The following MUC5AC variants were observed in gnomAD, a reference collection of about 807,000 sequenced individuals.
MUC5AC encodes the protein mucin-5AC.
Under a neutral mutation model 169.7 loss-of-function variants are expected in MUC5AC, and 158 were observed. The observed-to-expected ratio is 0.93, with a 90% CI of 0.82 to 1.06. The LOEUF (loss-of-function observed/expected upper bound fraction) is 1.06, where lower values mean the gene tolerates loss of function less well. MUC5AC is among the 50% of genes least tolerant of loss of function. The probability of loss-of-function intolerance (pLI) is 0.00; values close to 1 mark genes in which losing one functional copy is unlikely to be tolerated. For missense variants in MUC5AC, 4,359 were observed against 3,089.9 expected, an observed-to-expected ratio of 1.41 and a Z score of -9.74; for synonymous variants, 1,975 against 1,237.0, an observed-to-expected ratio of 1.60 and a Z score of -12.52.
At chr11:1,195,534 C>T (rs1861248601) in intron 36 of MUC5AC, among the ~76,000 whole-genome samples, 3 of 151,926 alleles carry the variant, frequency 2.0e-5, no homozygotes, top group Admixed American at 6.6e-5. Context: ...GGTTGGCCGG[C>T]TGGGCCGTCT....
Position 1,199,704 on chromosome 11 carries a change from C to T in MUC5AC, c.16525C>T (p.Arg5509Cys). 4.2e-6 allele frequency: 3 copies of T among 709,832 alleles called. No homozygotes were observed. The highest frequency in any genetic ancestry group is 1.5e-5 in the South Asian group (1 of 68,202). The allele number at this position is 709,832 out of a possible 1,614,324, so 44.0% of individuals were successfully genotyped here. The change falls in exon 47 of 49, where the codon CGC becomes TGC. Residue 5509 changes from arginine to cysteine, a missense_variant. Coordinates refer to ENST00000621226, the MANE Select transcript of MUC5AC (RefSeq NM_001304359.2). The part of the protein sequence containing the change: ...PPLSCSLDEA[R>C]MSKDGCCRFC... ...CCCTCTGTCGGCACAGGACGAGGCC[C>T]GCATGAGCAAGGACGGCTGCTGCCG...
Position 1,188,766 on chromosome 11 carries a change from G to A in MUC5AC, c.10621G>A (p.Gly3541Ser), listed in dbSNP as rs1405127643. 5.3e-6 allele frequency: 4 copies of A among 756,464 alleles called. No individual in the cohort carries two copies. Among genetic ancestry groups the A allele is most frequent in the East Asian group, 2.4e-5 (1 of 41,184 alleles). 46.9% of individuals were successfully genotyped at this position (756,464 alleles called of 1,614,324 possible). A position where few individuals can be genotyped will look rare whatever the true frequency, so the allele number is the denominator to read the frequency against. Residue 3541 changes from glycine (G) to serine (S), a missense_variant, in exon 31 of 49, where the codon GGT becomes AGT. Physicochemically the swap from Gly to Ser is moderately conservative, Grantham distance 56. Transcript: ENST00000621226. ...GGACTTTCCATCCCCTGGACCCCAC[G>A]GTGGGGACAAGGAAACCTACAACAA... ...DVDFPSPGPHGGDKETYNNII... is the reference protein window; with the variant it reads ...DVDFPSPGPHSGDKETYNNII...
At chr11:1,198,814 C>T in intron 43 of MUC5AC, 60 bp from the exon 44 acceptor site, 1 of 680,866 alleles carries the variant, frequency 1.5e-6, no homozygotes, top group Admixed American at 2.1e-5. Flanking sequence ...AGTGGGGAGG[C>T]AGGGGCGGGT....
At chr11:1,159,844 G>C (rs1485986037) in intron 1 of MUC5AC, among the ~76,000 whole-genome samples, 1 of 112,884 alleles carries the variant, frequency 8.9e-6, no homozygotes, top group Non-Finnish European at 1.9e-5. Context: ...CCACCATGCT[G>C]GTTCTGTGCG....
At position 1,186,870 on chromosome 11, in the gene MUC5AC, A is replaced by G; in HGVS notation, c.8725A>G (p.Thr2909Ala). 2.7e-6 allele frequency: 2 copies of G among 732,246 alleles called. No individual in the cohort carries two copies. Among genetic ancestry groups the G allele is most frequent in the Non-Finnish European group, 2.5e-6 (1 of 401,308 alleles). The allele number at this position is 732,246 out of a possible 1,614,324, so 45.4% of individuals were successfully genotyped here. ...RTTSAPTTST[T>A]SAPTTSTTSA... ...AACCTCTGCTCCTACAACCAGCACA[A>G]CCTCTGCCCCTACAACCAGCACAAC... Residue 2909 changes from threonine to alanine, a missense_variant, in exon 31 of 49, where the codon ACC (threonine) becomes GCC (alanine). Thr to Ala is a moderately conservative substitution (Grantham distance 58). Coordinates refer to ENST00000621226, the MANE Select transcript of MUC5AC (RefSeq NM_001304359.2).
At chr11:1,193,129 G>A (rs1861167223) in intron 32 of MUC5AC, 147 bp downstream of exon 32, 4 of 591,868 alleles carry the variant, frequency 6.8e-6, no homozygotes, top group Non-Finnish European at 1.2e-5. Flanking sequence ...GGGCCATGCT[G>A]TAGCCCGGCG....
Position 1,168,991 on chromosome 11 carries a change from G to T in MUC5AC, c.1835G>T (p.Ser612Ile). 3 of 1,607,588 alleles carry T rather than the reference G, an allele frequency of 1.9e-6. No homozygotes were observed. The highest frequency in any genetic ancestry group is 2.5e-6 in the Non-Finnish European group (3 of 1,176,840). Residue 612 changes from serine to isoleucine, a missense_variant, in exon 15 of 49, where the codon AGC becomes ATC. Coordinates refer to ENST00000621226, the MANE Select transcript of MUC5AC (RefSeq NM_001304359.2). ...TQAACPNIRN[S>I]FEDPCSLSVE... is the part of the protein sequence containing the mutation. Reference sequence around the variant, plus strand: ...GCCGCCTGCCCCAACATCAGGAACAGCTTCGAGGACCCCTGCTCTCTGAGC... The same window carrying T: ...GCCGCCTGCCCCAACATCAGGAACATCTTCGAGGACCCCTGCTCTCTGAGC...
In MUC5AC at chr11:1,179,217, G is replaced by C. The variant is rs1860754427; in HGVS notation, c.3453G>C (p.Leu1151=). 2 of 646,072 alleles carry C rather than the reference G, an allele frequency of 3.1e-6. No individual in the cohort carries two copies. Among genetic ancestry groups the C allele is most frequent in the African/African-American group, 3.6e-5 (2 of 55,290 alleles). The allele number at this position is 646,072 out of a possible 1,614,324, so 40.0% of individuals were successfully genotyped here. A position where few individuals can be genotyped will look rare whatever the true frequency, so the allele number is the denominator to read the frequency against. ...CCCAGGCCTGCCATGAAGTAGGCCT[G>C]TGTGTGTCCTGGCGGACCCCGAGCA... The part of the protein sequence containing the change: ...AYAQACHEVG[L]CVSWRTPSIC... The change falls in exon 26 of 49, where the codon CTG becomes CTC. Residue 1151 remains leucine (L), a synonymous_variant. Transcript: ENST00000621226.
At position 1,187,702 on chromosome 11, in the gene MUC5AC, C is replaced by G. The variant is rs1554928335; in HGVS notation, c.9557C>G (p.Thr3186Ser). Residue 3186 changes from threonine (T) to serine (S), a missense_variant, in exon 31 of 49, where the codon ACC (threonine) becomes AGC (serine). Coordinates refer to ENST00000621226, the MANE Select transcript of MUC5AC (RefSeq NM_001304359.2). ...STTSTTPGPGTTPSPVPTTST... is the reference protein window; with the variant it reads ...STTSTTPGPGSTPSPVPTTST... Reference sequence around the variant, plus strand: ...ACCAGCACAACCCCTGGTCCTGGAACCACTCCCAGCCCCGTTCCCACCACC... The same window carrying G: ...ACCAGCACAACCCCTGGTCCTGGAAGCACTCCCAGCCCCGTTCCCACCACC... 8 of 765,052 alleles carry G rather than the reference C, an allele frequency of 1.0e-5. No individual in the cohort carries two copies. The highest frequency in any genetic ancestry group is 1.7e-5 in the African/African-American group (1 of 59,126). 47.4% of individuals were successfully genotyped at this position (765,052 alleles called of 1,614,324 possible).
intron 9 of MUC5AC, 91 bp from the exon 10 acceptor site, chr11:1,165,211 A>G: frequency 8.2e-7 from 1 of 1,226,008 alleles, no homozygotes; most frequent in Non-Finnish European, 1.1e-6. Flanking sequence ...CTGAGGCCCC[A>G]GCTCGCTGTG....
Position 1,188,857 on chromosome 11 carries a change from C to T in MUC5AC, c.10712C>T (p.Ala3571Val), listed in dbSNP as rs2133762903. 3.9e-6 allele frequency: 3 copies of T among 763,532 alleles called. No homozygotes were observed. Among genetic ancestry groups the T allele is most frequent in the East Asian group, 4.8e-5 (2 of 41,246 alleles). 47.3% of individuals were successfully genotyped at this position (763,532 alleles called of 1,614,324 possible). A position where few individuals can be genotyped will look rare whatever the true frequency, so the allele number is the denominator to read the frequency against. Residue 3571 changes from alanine (A) to valine (V), a missense_variant, in exon 31 of 49, where the codon GCC (alanine) becomes GTC (valine). Ala to Val is a moderately conservative substitution (Grantham distance 64). Transcript: ENST00000621226. Reference sequence around the variant, plus strand: ...GAGATCACCAGGCTCCAGTGCCGAGCCAAGAGCCACCCGGAGGTGAGCATC... The same window carrying T: ...GAGATCACCAGGCTCCAGTGCCGAGTCAAGAGCCACCCGGAGGTGAGCATC... Reference protein sequence around the residue: ...PEEITRLQCRAKSHPEVSIEH... With the variant: ...PEEITRLQCRVKSHPEVSIEH...
In MUC5AC at chr11:1,165,681, T is replaced by C. The variant is rs374100767; in HGVS notation, c.1307T>C (p.Val436Ala). ...QEVPCPGTCS[V>A]LGGAHFSTFD... Reference sequence around the variant, plus strand: ...GTTCCATGCCCGGGTACCTGCTCTGTGCTTGGAGGTGCCCACTTCTCAACG... The same window carrying C: ...GTTCCATGCCCGGGTACCTGCTCTGCGCTTGGAGGTGCCCACTTCTCAACG... Residue 436 changes from valine (V) to alanine (A), a missense_variant, in exon 11 of 49, where the codon GTG becomes GCG. Coordinates refer to ENST00000621226, the MANE Select transcript of MUC5AC (RefSeq NM_001304359.2). The C allele has an allele frequency of 3.1e-6, 5 of 1,612,396 alleles. No individual in the cohort carries two copies. The African/African-American group carries it at 5.3e-5, about 17-fold the overall frequency.
intron 15 of MUC5AC, among the ~76,000 whole-genome samples, chr11:1,171,466 C>T (rs1379521784): frequency 0.017 from 1,985 of 116,050 alleles, no homozygotes; most frequent in Non-Finnish European, 0.023. Context: ...CCCATTCACC[C>T]CCTCACTCAC....
intron 1 of MUC5AC, among the ~76,000 whole-genome samples, 167 bp downstream of exon 1, chr11:1,158,239 C>G (rs552506379): frequency 1.3e-5 from 2 of 152,258 alleles, no homozygotes; most frequent in Non-Finnish European, 2.9e-5. Flanking sequence ...AGCAGTTTCC[C>G]CTTGTGGGGT....
chr11:1,170,829 CCACT>C (rs1193637405), intron 15 of MUC5AC, among the ~76,000 whole-genome samples: 3 of 146,486 alleles, frequency 2.0e-5, no homozygotes, highest in African/African-American at 7.6e-5. Flanking sequence ...ACCCATTCAC[CCACT>C]CACTCACCCA....
Position 1,178,528 on chromosome 11 carries a change from G to A in MUC5AC, c.3172G>A (p.Val1058Met), listed in dbSNP as rs1282412661. 5.4e-6 allele frequency: 7 copies of A among 1,307,748 alleles called. No individual in the cohort carries two copies. The East Asian group carries it at 8.9e-5, about 17-fold the overall frequency. The allele number at this position is 1,307,748 out of a possible 1,614,324, so 81.0% of individuals were successfully genotyped here. A position where few individuals can be genotyped will look rare whatever the true frequency, so the allele number is the denominator to read the frequency against. The change falls in exon 25 of 49, where the codon GTG becomes ATG. Residue 1058 changes from valine to methionine, a missense_variant. Physicochemically the swap from Val to Met is conservative, Grantham distance 21. Coordinates refer to ENST00000621226, the MANE Select transcript of MUC5AC (RefSeq NM_001304359.2). ...ATRSRSVVGD[V>M]LEFGNSWKLS... is the part of the protein sequence containing the mutation. ...GCGGAGCCGGTCTGTGGTGGGGGAC[G>A]TGCTGGAGTTTGGGAACAGCTGGAA... is the stretch of plus-strand genomic sequence containing the variant.
rs746150561 is a variant in MUC5AC at position 1,192,174 on chromosome 11, C to T, written c.14029C>T (p.Arg4677Ter). 5.5e-5 allele frequency: 42 copies of T among 764,972 alleles called. No homozygotes were observed. Among genetic ancestry groups the T allele is most frequent in the East Asian group, 1.7e-4 (7 of 41,254 alleles). The allele number at this position is 764,972 out of a possible 1,614,324, so 47.4% of individuals were successfully genotyped here. Reference sequence around the variant, plus strand: ...TGAGGAGATCACCAGGCTCCAGTGCCGAGCCGAGAGCCACCCGGAGGTGAA... The same window carrying T: ...TGAGGAGATCACCAGGCTCCAGTGCTGAGCCGAGAGCCACCCGGAGGTGAA... ...RPEEITRLQC[R>*]AESHPEVNIE... Residue 4677 changes from arginine (R) to a stop codon, truncating the protein, a stop_gained, in exon 31 of 49, where the codon CGA becomes TGA. Coordinates refer to ENST00000621226, the MANE Select transcript of MUC5AC (RefSeq NM_001304359.2). LOFTEE classifies it high-confidence loss of function.
At chr11:1,198,043 C>A in intron 42 of MUC5AC, 39 bp downstream of exon 42, 1 of 641,320 alleles carries the variant, frequency 1.6e-6, no homozygotes, top group Non-Finnish European at 2.8e-6. Flanking sequence ...GGGCCGTGGG[C>A]TGGGGTCTCC....
rs139986614 is a variant in MUC5AC at position 1,192,365 on chromosome 11, G to A, written c.14220G>A (p.Gly4740=). The stretch of plus-strand genomic sequence containing the variant: ...CGGTGACCTCTGTGACCCCATATGG[G>A]ACTTCTCCTACCAATGCTCTGTATC... ...GCPVTSVTPY[G]TSPTNALYPS... Residue 4740 remains glycine, a synonymous_variant, in exon 31 of 49, where the codon GGG becomes GGA. Transcript: ENST00000621226. 5.3e-4 allele frequency: 404 copies of A among 765,086 alleles called. No individual in the cohort carries two copies. The highest frequency in any genetic ancestry group is 9.1e-4 in the Non-Finnish European group (382 of 417,884). The allele number at this position is 765,086 out of a possible 1,614,324, so 47.4% of individuals were successfully genotyped here.
Sources: gnomAD v4.1 joint callset for allele counts (sites outside exome capture counted in the v4.1 genomes callset) on GRCh38, gnomAD v4.1.1 for gene constraint, MANE v1.5 for transcripts, NCBI Gene and HGNC (gene_info 2026-07-23, HGNC 2026-07-21) for gene names.